SNX14: variants seen among roughly 807,000 people sequenced by gnomAD.
The protein encoded by SNX14 is sorting nexin-14.
In SNX14, 93 loss-of-function variants were observed where a neutral mutation model predicts 133.8. The observed-to-expected ratio is 0.70, with a 90% CI of 0.59 to 0.83. The LOEUF is 0.83. Ranked by LOEUF, SNX14 falls within the 40% of genes least tolerant of loss-of-function variation. The pLI, the probability that SNX14 is intolerant of heterozygous loss-of-function variation, is 0.00. For synonymous variants in SNX14, 368 were observed against 365.6 expected, an observed-to-expected ratio of 1.01 and a Z score of -0.07; for missense variants, 945 against 1,094.9, an observed-to-expected ratio of 0.86 and a Z score of 1.93.
chr6:85,546,583 T>A (rs1785572258), intron 12 of SNX14, among the ~76,000 whole-genome samples: 1 of 152,058 alleles, frequency 6.6e-6, no homozygotes, highest in Non-Finnish European at 1.5e-5. Flanking sequence ...TTTCTGCTAC[T>A]AGGATTTGAA....
chr6:85,586,110 G>C (rs1800768052), intron 1 of SNX14, among the ~76,000 whole-genome samples: 1 of 151,670 alleles, frequency 6.6e-6, no homozygotes, highest in Admixed American at 6.6e-5. Flanking sequence ...ACAAAATCCA[G>C]AATGTGAACA....
rs1786477108 is a variant in SNX14 at position 85,548,360 on chromosome 6, T to A, written c.808A>T (p.Ile270Leu). The A allele has an allele frequency of 6.2e-7, 1 of 1,604,812 alleles. No individual in the cohort carries two copies. Among genetic ancestry groups the A allele is most frequent in the African/African-American group, 1.3e-5 (1 of 74,558 alleles). Reference protein sequence around the residue: ...ATDCRSLTLLIREILSGSVFL... With the variant: ...ATDCRSLTLLLREILSGSVFL... ...ACAGAGCCAGACAGAATCTCTCTTA[T>A]AAGTAAGGTCAGAGATCTGGAAAAA... The change falls in exon 9 of 29, where the codon ATA becomes TTA. Residue 270 changes from isoleucine to leucine, a missense_variant. Transcript: ENST00000314673.
intron 12 of SNX14, among the ~76,000 whole-genome samples, chr6:85,545,651 A>G (rs898945699): frequency 5.3e-5 from 8 of 152,220 alleles, no homozygotes; most frequent in East Asian, 1.9e-4. Context: ...CATTCATACA[A>G]TGGAATACCA....
At chr6:85,513,666 A>C (rs960588072) in intron 26 of SNX14, 134 bp downstream of exon 26, 26 of 650,472 alleles carry the variant, frequency 4.0e-5, no homozygotes, top group Non-Finnish European at 6.4e-5. Flanking sequence ...TAGTGTGTTA[A>C]TTTTAACTGA....
chr6:85,536,060 T>C (rs1582722154), intron 17 of SNX14, among the ~76,000 whole-genome samples: 1 of 152,088 alleles, frequency 6.6e-6, no homozygotes, highest in Non-Finnish European at 1.5e-5. Flanking sequence ...AACACGTAAC[T>C]TGAAATACAT....
intron 6 of SNX14, among the ~76,000 whole-genome samples, chr6:85,559,528 A>G (rs966825118): frequency 1.3e-5 from 2 of 152,166 alleles, no homozygotes; most frequent in East Asian, 3.8e-4. Context: ...CAAACTTCCA[A>G]TTTACATTAT....
At chr6:85,516,125 T>C (rs1774873057) in intron 23 of SNX14, among the ~76,000 whole-genome samples, 1 of 152,198 alleles carries the variant, frequency 6.6e-6, no homozygotes, top group East Asian at 1.9e-4. Flanking sequence ...TTTAGCACCA[T>C]ATCAAATATC....
At chr6:85,531,926 G>T (rs896710835) in intron 18 of SNX14, among the ~76,000 whole-genome samples, 8 of 152,040 alleles carry the variant, frequency 5.3e-5, no homozygotes, top group Non-Finnish European at 1.2e-4. Flanking sequence ...TACTCAGGAG[G>T]CTGAAGTGGG....
chr6:85,580,186 A>G (rs1158648250), intron 1 of SNX14, among the ~76,000 whole-genome samples: 1 of 152,178 alleles, frequency 6.6e-6, no homozygotes, highest in Non-Finnish European at 1.5e-5. Flanking sequence ...CAGAGTAATG[A>G]GGCCCTCATT....
chr6:85,514,647 A>C lies in SNX14; in HGVS notation c.2269-18T>G. 6.2e-7 allele frequency: 1 copy of C among 1,600,918 alleles called. No homozygotes were observed. The highest frequency in any genetic ancestry group is 8.5e-7 in the Non-Finnish European group (1 of 1,170,876). On this transcript the variant is annotated intron_variant, in intron 23 of 28. Transcript: ENST00000314673. ...TTGAAAAGCTAAAATAAAAGTTGGA[A>C]TAATAAAGAGATATATAGTTTATTA...
chr6:85,528,799 G>A, intron 19 of SNX14, among the ~76,000 whole-genome samples: 1 of 152,160 alleles, frequency 6.6e-6, no homozygotes, highest in East Asian at 1.9e-4. Context: ...GTTCACACCT[G>A]TAAGCCCAGC....
intron 1 of SNX14, among the ~76,000 whole-genome samples, chr6:85,579,851 G>A (rs536811440): frequency 2.6e-5 from 4 of 152,324 alleles, no homozygotes; most frequent in Middle Eastern, 3.4e-3. Flanking sequence ...GGACTGTAAC[G>A]CCTAGGCAAG....
chr6:85,591,220 C>CTGTGTG, intron 1 of SNX14, among the ~76,000 whole-genome samples: 1 of 150,514 alleles, frequency 6.6e-6, no homozygotes, highest in East Asian at 1.9e-4. Flanking sequence ...CTCTTATCAT[C>CTGTGTG]TGTGTGTGTG....
At chr6:85,533,560 T>C (rs548852808) in intron 18 of SNX14, 39 bp downstream of exon 18, 18 of 1,586,226 alleles carry the variant, frequency 1.1e-5, no homozygotes, top group Admixed American at 1.0e-4. Flanking sequence ...GACTCATTCA[T>C]GGGCATCTTT....
intron 26 of SNX14, among the ~76,000 whole-genome samples, chr6:85,508,831 A>G (rs1771724880): frequency 6.6e-6 from 1 of 152,180 alleles, no homozygotes; most frequent in African/African-American, 2.4e-5. Context: ...GCAGAAAAAA[A>G]AGAAGTTATT....
chr6:85,509,743 C>T (rs569676078), intron 26 of SNX14, among the ~76,000 whole-genome samples: 1 of 152,096 alleles, frequency 6.6e-6, no homozygotes, highest in African/African-American at 2.4e-5. Context: ...TGGGTCTGGA[C>T]AAATAGATGA....
chr6:85,516,632 CTTTTTTTTTT>C (rs746721196), intron 23 of SNX14, among the ~76,000 whole-genome samples: 3 of 126,448 alleles, frequency 2.4e-5, no homozygotes, highest in African/African-American at 9.5e-5. Flanking sequence ...CTTCCTTAAT[CTTTTTTTTTT>C]TTTTTTTTTT....
At chr6:85,507,185 A>G (rs749868844) in intron 28 of SNX14, 48 bp downstream of exon 28, 2 of 1,456,354 alleles carry the variant, frequency 1.4e-6, no homozygotes, top group South Asian at 2.3e-5. Flanking sequence ...AATAAATGTC[A>G]GCATACCATT....
Position 85,547,794 on chromosome 6 carries a change from A to C in SNX14, c.868-244T>G, listed in dbSNP as rs565111895. Among the ~76,000 whole-genome samples, 8 of 152,328 alleles carry C rather than the reference A, an allele frequency of 5.3e-5. No homozygotes were observed. The East Asian group carries it at 9.6e-4, about 18-fold the overall frequency. On this transcript the variant is annotated intron_variant, in intron 9 of 28. Coordinates refer to ENST00000314673, the MANE Select transcript of SNX14 (RefSeq NM_153816.6). ...GATTTTGGCATTTAAAATATTTCTAAATCATTCTTGTTTCTTCAAAATCTC... is the reference window on the plus strand; with the variant it reads ...GATTTTGGCATTTAAAATATTTCTACATCATTCTTGTTTCTTCAAAATCTC...
Sources: allele counts gnomAD v4.1 joint callset (sites outside exome capture counted in the v4.1 genomes callset), GRCh38; gene constraint gnomAD v4.1.1; transcripts MANE v1.5; gene names NCBI Gene and HGNC (gene_info 2026-07-23, HGNC 2026-07-21).